Variants in MAN1A2 observed in about 807,000 individuals in gnomAD.
The protein encoded by MAN1A2 is mannosidase alpha class 1A member 2, also known as mannosyl-oligosaccharide 1,2-alpha-mannosidase IB.
MAN1A2 carries 26 observed loss-of-function variants against 75.7 expected under a neutral mutation model. That is an observed-to-expected ratio of 0.34 (90% CI 0.25 to 0.48). The LOEUF is 0.48. Among genes scored for constraint, MAN1A2 ranks in the 20% least tolerant of loss-of-function variants. The probability of loss-of-function intolerance (pLI) is 0.99; values close to 1 mark genes in which losing one functional copy is unlikely to be tolerated. For synonymous variants in MAN1A2, 247 were observed against 264.6 expected (o/e 0.93, Z 0.65); for missense variants, 562 against 775.5 (o/e 0.72, Z 3.27).
chr1:117,423,242 ATG>A (rs1442051992), intron 5 of MAN1A2, among the ~76,000 whole-genome samples: 2 of 152,248 alleles, frequency 1.3e-5, no homozygotes, highest in East Asian at 3.9e-4. Flanking sequence ...CTCTTGATTT[ATG>A]TGTCTGTCTT....
At chr1:117,514,964 A>AAG (rs1413479932) in intron 12 of MAN1A2, 9 of 511,464 alleles carry the variant, frequency 1.8e-5, no homozygotes, top group Non-Finnish European at 3.6e-5. Flanking sequence ...AGTCAAATCA[A>AAG]TATGTACTTA....
chr1:117,384,927 C>T (rs141627937), intron 1 of MAN1A2, among the ~76,000 whole-genome samples: 1 of 152,188 alleles, frequency 6.6e-6, no homozygotes, highest in East Asian at 1.9e-4. Flanking sequence ...AGAGTCTAAG[C>T]CCCAGCATCA....
chr1:117,517,094 C>T (rs1404843886), intron 12 of MAN1A2, among the ~76,000 whole-genome samples: 2 of 152,074 alleles, frequency 1.3e-5, no homozygotes, highest in African/African-American at 4.8e-5. Flanking sequence ...AAGGTCCTGC[C>T]TCAATAGTGG....
At chr1:117,510,523 AT>A (rs1338256325) in intron 12 of MAN1A2, among the ~76,000 whole-genome samples, 1 of 152,080 alleles carries the variant, frequency 6.6e-6, no homozygotes, top group Non-Finnish European at 1.5e-5. Context: ...AAACAATCAG[AT>A]TCTTAGGAAG....
chr1:117,489,064 G>A (rs74908706), intron 8 of MAN1A2, among the ~76,000 whole-genome samples: 1 of 151,990 alleles, frequency 6.6e-6, no homozygotes. Flanking sequence ...TAGATATCTT[G>A]CAGTGTTGGA....
chr1:117,374,747 T>C (rs1653085384), intron 1 of MAN1A2, among the ~76,000 whole-genome samples: 1 of 152,212 alleles, frequency 6.6e-6, no homozygotes, highest in Non-Finnish European at 1.5e-5. Context: ...ATTGAATCTT[T>C]AAAGATTTTT....
At chr1:117,432,525 A>G (rs1247505601) in intron 5 of MAN1A2, among the ~76,000 whole-genome samples, 2 of 152,208 alleles carry the variant, frequency 1.3e-5, no homozygotes, top group Non-Finnish European at 2.9e-5. Flanking sequence ...ATTTAATAAC[A>G]TAGACAAAAC....
intron 5 of MAN1A2, among the ~76,000 whole-genome samples, chr1:117,434,350 A>C (rs1422858474): frequency 6.6e-6 from 1 of 152,208 alleles, no homozygotes; most frequent in Non-Finnish European, 1.5e-5. Flanking sequence ...ATGTAATTAA[A>C]TGTATACTTT....
chr1:117,430,886 C>G (rs28481800), intron 5 of MAN1A2, among the ~76,000 whole-genome samples: 3 of 122,860 alleles, frequency 2.4e-5, no homozygotes, highest in Non-Finnish European at 5.2e-5. Flanking sequence ...TGTAGCGAGC[C>G]GAGATCACGC....
intron 8 of MAN1A2, among the ~76,000 whole-genome samples, chr1:117,476,673 T>C (rs1650323855): frequency 6.6e-6 from 1 of 152,054 alleles, no homozygotes; most frequent in Non-Finnish European, 1.5e-5. Context: ...GTTGTAGATG[T>C]GTAGCGTTAT....
intron 3 of MAN1A2, among the ~76,000 whole-genome samples, chr1:117,408,744 T>C (rs1647703583): frequency 6.6e-6 from 1 of 150,440 alleles, no homozygotes. Context: ...GTTTGGTATA[T>C]GTTGCTGAAG....
intron 4 of MAN1A2, among the ~76,000 whole-genome samples, chr1:117,417,534 A>AATATATATATATATATGAT (rs1648035029): frequency 3.4e-5 from 3 of 89,218 alleles, no homozygotes; most frequent in Non-Finnish European, 4.4e-5. Context: ...CTTGAGTTTA[A>AATATATATATATATATGAT]ATATATATAT....
chr1:117,477,290 C>T (rs921857663), intron 8 of MAN1A2, among the ~76,000 whole-genome samples: 12 of 151,878 alleles, frequency 7.9e-5, no homozygotes, highest in African/African-American at 2.7e-4. Flanking sequence ...TATTTTATGA[C>T]ATCAAGATCA....
rs900171597 is a variant in MAN1A2 at position 117,524,883 on chromosome 1, A to G, written c.*1926A>G. ...GTATATATATTACTGTAACTGTAGAAGGGAAAAGGGAAAGTATTTGGTTCT... is the reference window on the plus strand; with the variant it reads ...GTATATATATTACTGTAACTGTAGAGGGGAAAAGGGAAAGTATTTGGTTCT... On this transcript the variant is annotated 3_prime_UTR_variant, in exon 13 of 13. Transcript: ENST00000356554. The G allele has an allele frequency of 3.2e-6, 1 of 316,868 alleles. No homozygotes were observed. The highest frequency in any genetic ancestry group is 6.3e-6 in the Non-Finnish European group (1 of 158,616). The allele number at this position is 316,868 out of a possible 1,614,324, so 19.6% of individuals were successfully genotyped here.
rs549170429 is a variant in MAN1A2, at chr1:117,434,682, C to T, written c.856-7549C>T. On this transcript the variant is annotated intron_variant, in intron 5 of 12. Coordinates refer to ENST00000356554, the MANE Select transcript of MAN1A2 (RefSeq NM_006699.5). ...ATAAACCTAAATTTGTATATTTTAA[C>T]GAGGAAAAATGTGCTTGATGTATTC... is the stretch of plus-strand genomic sequence containing the variant. Among the ~76,000 whole-genome samples the T allele has an allele frequency of 7.2e-4, 108 of 149,368 alleles. 1 individual carries two copies. The South Asian group carries it at 0.011, about 15-fold the overall frequency.
chr1:117,497,982 A>T (rs551277720), intron 10 of MAN1A2, among the ~76,000 whole-genome samples: 2 of 152,106 alleles, frequency 1.3e-5, no homozygotes, highest in Non-Finnish European at 2.9e-5. Context: ...ATGCTAGTTC[A>T]TAAATCTGTC....
Position 117,402,389 on chromosome 1 carries a change from G to C in MAN1A2, c.506G>C (p.Gly169Ala). ...VPIPNLVGIR[G>A]GDPEDNDIRE... ...ATTCCCAACCTTGTAGGAATACGTGGTGGAGACCCAGAAGATAATGACATA... is the reference window on the plus strand; with the variant it reads ...ATTCCCAACCTTGTAGGAATACGTGCTGGAGACCCAGAAGATAATGACATA... Residue 169 changes from glycine (G) to alanine (A), a missense_variant, in exon 2 of 13, where the codon GGT becomes GCT. Coordinates refer to ENST00000356554, the MANE Select transcript of MAN1A2 (RefSeq NM_006699.5). 1 of 1,612,692 alleles carries C rather than the reference G, an allele frequency of 6.2e-7. No individual in the cohort carries two copies. Among genetic ancestry groups the C allele is most frequent in the Non-Finnish European group, 8.5e-7 (1 of 1,179,516 alleles).
chr1:117,377,560 T>A (rs554634900), intron 1 of MAN1A2, among the ~76,000 whole-genome samples: 3 of 152,176 alleles, frequency 2.0e-5, no homozygotes, highest in Non-Finnish European at 2.9e-5. Flanking sequence ...CACAAAGAAG[T>A]GTTCAAGAAT....
intron 6 of MAN1A2, among the ~76,000 whole-genome samples, chr1:117,453,557 C>T (rs1307911825): frequency 1.3e-5 from 2 of 152,048 alleles, no homozygotes; most frequent in African/African-American, 4.8e-5. Flanking sequence ...AAGATGGGAC[C>T]AAATTACTGC....
Sources: allele counts gnomAD v4.1 joint callset (sites outside exome capture counted in the v4.1 genomes callset), GRCh38; gene constraint gnomAD v4.1.1; transcripts MANE v1.5; gene names NCBI Gene and HGNC (gene_info 2026-07-23, HGNC 2026-07-21).